LARP4B: variants seen among roughly 807,000 people sequenced by gnomAD.
LARP4B encodes la-related protein 4B.
A neutral mutation model predicts 89.8 loss-of-function variants in LARP4B; 12 were observed. The ratio of observed to expected loss-of-function variants is 0.13; its 90% CI spans 0.09 to 0.22. The LOEUF is 0.22. Among genes scored for constraint, LARP4B ranks in the 10% least tolerant of loss-of-function variants. LARP4B has a pLI of 1.00. For synonymous variants in LARP4B, 367 were observed against 363.3 expected, an observed-to-expected ratio of 1.01 and a Z score of -0.12; for missense variants, 757 against 947.7, an observed-to-expected ratio of 0.80 and a Z score of 2.64.
intron 1 of LARP4B, among the ~76,000 whole-genome samples, chr10:896,849 G>A (rs1836202952): frequency 2.6e-5 from 4 of 152,134 alleles, no homozygotes; most frequent in Admixed American, 2.6e-4. Context: ...TTCATGGATG[G>A]AAAGACATCC....
At chr10:835,385 G>A (rs1013622880) in intron 8 of LARP4B, among the ~76,000 whole-genome samples, 1 of 152,188 alleles carries the variant, frequency 6.6e-6, no homozygotes, top group Non-Finnish European at 1.5e-5. Context: ...AAGGTGTGTG[G>A]AAAGAGGTAG....
chr10:907,705 A>G (rs1224632590), intron 1 of LARP4B, among the ~76,000 whole-genome samples: 1 of 152,188 alleles, frequency 6.6e-6, no homozygotes, highest in Non-Finnish European at 1.5e-5. Flanking sequence ...CCCAAGTAAT[A>G]AATGTCTTTT....
chr10:937,010 G>A, the LARP4B span, among the ~76,000 whole-genome samples: 1 of 152,196 alleles, frequency 6.6e-6, no homozygotes, highest in African/African-American at 2.4e-5. Flanking sequence ...CTTCTTTACA[G>A]TAAAATGCTG....
intron 1 of LARP4B, among the ~76,000 whole-genome samples, chr10:893,583 C>T (rs575634972): frequency 1.3e-5 from 2 of 152,204 alleles, no homozygotes; most frequent in Non-Finnish European, 2.9e-5. Flanking sequence ...GCTGTCCTTC[C>T]GTTGAGTCTC....
chr10:851,296 G>A (rs1016453139), intron 5 of LARP4B, among the ~76,000 whole-genome samples: 1 of 149,408 alleles, frequency 6.7e-6, no homozygotes, highest in Admixed American at 6.8e-5. Flanking sequence ...CAGTTCTCCT[G>A]CCTCAGCCTC....
chr10:836,075 T>C (rs537538633), intron 8 of LARP4B, among the ~76,000 whole-genome samples: 1 of 151,750 alleles, frequency 6.6e-6, no homozygotes, highest in African/African-American at 2.4e-5. Context: ...AAGTTTTTTT[T>C]ATCACAAAAG....
chr10:924,942 A>G (rs1417109126), intron 1 of LARP4B, among the ~76,000 whole-genome samples: 2 of 152,252 alleles, frequency 1.3e-5, no homozygotes, highest in African/African-American at 4.8e-5. Context: ...CATACTGAGG[A>G]GCAAAATATA....
the LARP4B span, among the ~76,000 whole-genome samples, chr10:959,259 T>C: frequency 6.6e-6 from 1 of 152,150 alleles, no homozygotes; most frequent in African/African-American, 2.4e-5. Flanking sequence ...GTGATGCAAC[T>C]GCTGGGAAGG....
At chr10:883,139 T>G (rs907661317) in intron 3 of LARP4B, among the ~76,000 whole-genome samples, 5 of 152,254 alleles carry the variant, frequency 3.3e-5, no homozygotes, top group Non-Finnish European at 5.9e-5. Context: ...TAAAGATTTA[T>G]ACTCAAGGGA....
rs1345859647 is a variant in LARP4B at position 833,284 on chromosome 10, A to AC, written c.751-2308dup. On this transcript the variant is annotated intron_variant, in intron 8 of 17. Coordinates refer to ENST00000316157, the MANE Select transcript of LARP4B (RefSeq NM_015155.3). ...AAAAAAAAAAAAAAAAAAAAAAAAA[A>AC]CCTCAAAATGTTTGAAGAAAGTTTA... Among the ~76,000 whole-genome samples the AC allele has an allele frequency of 6.8e-5, 9 of 133,286 alleles. No homozygotes were observed. In the East Asian group the frequency reaches 1.5e-3, roughly 22 times the overall value. The allele number at this position is 133,286 out of a possible 152,430, so 87.4% of individuals were successfully genotyped here.
intron 8 of LARP4B, among the ~76,000 whole-genome samples, chr10:832,189 A>G (rs201749721): frequency 5.3e-5 from 8 of 151,984 alleles, no homozygotes; most frequent in Non-Finnish European, 1.0e-4. Context: ...GACTACAGGC[A>G]CCCGCCACCG....
chr10:901,684 G>A (rs935126382), intron 1 of LARP4B, among the ~76,000 whole-genome samples: 1 of 152,152 alleles, frequency 6.6e-6, no homozygotes, highest in Non-Finnish European at 1.5e-5. Context: ...TCCAATCTCA[G>A]TAGAGTAGTT....
chr10:908,132 G>A (rs1564440867), intron 1 of LARP4B, among the ~76,000 whole-genome samples: 1 of 152,182 alleles, frequency 6.6e-6, no homozygotes. Context: ...ACTTGAACAC[G>A]TGAGGTGGAG....
chr10:935,306 C>G (rs1232279523), upstream of LARP4B, among the ~76,000 whole-genome samples: 1 of 152,186 alleles, frequency 6.6e-6, no homozygotes, highest in Non-Finnish European at 1.5e-5. Flanking sequence ...CTCTGGAAGT[C>G]GAGGGCGGCA....
rs34586444 is a variant in LARP4B at position 900,919 on chromosome 10, CT to C, written c.-39-15160del. On this transcript the variant is annotated intron_variant, in intron 1 of 17. Coordinates refer to ENST00000316157, the MANE Select transcript of LARP4B (RefSeq NM_015155.3). ...GGTGTGAGCCACCAGCGCCTGGCCT[CT>C]TTTTTTTTTTTTTTTTGAGACGGAG... Among the ~76,000 whole-genome samples the C allele has an allele frequency of 6.7e-3, 681 of 101,188 alleles. 4 individuals are homozygous for C. The highest frequency in any genetic ancestry group is 0.021 in the African/African-American group (539 of 25,928). The allele number at this position is 101,188 out of a possible 152,430, so 66.4% of individuals were successfully genotyped here. A position where few individuals can be genotyped will look rare whatever the true frequency, so the allele number is the denominator to read the frequency against.
At chr10:886,985 G>C (rs1247622972) in intron 1 of LARP4B, among the ~76,000 whole-genome samples, 2 of 152,084 alleles carry the variant, frequency 1.3e-5, no homozygotes, top group African/African-American at 2.4e-5. Context: ...GCTACTATAG[G>C]CTGAGGCACA....
chr10:935,894 GTTTT>G (rs545562138), upstream of LARP4B, among the ~76,000 whole-genome samples: 2 of 142,986 alleles, frequency 1.4e-5, no homozygotes, highest in African/African-American at 2.6e-5. Context: ...AATTTTTGTT[GTTTT>G]TTTTTTTTGT....
chr10:839,453 A>G (rs1242234450), intron 7 of LARP4B, among the ~76,000 whole-genome samples: 2 of 152,250 alleles, frequency 1.3e-5, no homozygotes, highest in African/African-American at 2.4e-5. Context: ...AAAGGACTCA[A>G]TTGTTAATAA....
At chr10:899,682 T>A (rs565015135) in intron 1 of LARP4B, among the ~76,000 whole-genome samples, 1 of 152,190 alleles carries the variant, frequency 6.6e-6, no homozygotes, top group Admixed American at 6.5e-5. Context: ...GAACAATGAG[T>A]TAAGGGATGA....
Sources: gnomAD v4.1 joint callset for allele counts (sites outside exome capture counted in the v4.1 genomes callset) on GRCh38, gnomAD v4.1.1 for gene constraint, MANE v1.5 for transcripts, NCBI Gene and HGNC (gene_info 2026-07-23, HGNC 2026-07-21) for gene names.